Variants in MAPDA observed in about 807,000 individuals in gnomAD.
MAPDA encodes N6-Methyl-AMP deaminase.
the MAPDA span, among the ~76,000 whole-genome samples, chr15:43,343,360 G>A: frequency 2.0e-5 from 3 of 152,134 alleles, no homozygotes; most frequent in African/African-American, 7.2e-5. Flanking sequence ...ACATGATCTG[G>A]CTGCCTCTGT....
At chr15:43,341,107 T>C in the MAPDA span, among the ~76,000 whole-genome samples, 8 of 152,284 alleles carry the variant, frequency 5.3e-5, no homozygotes, top group African/African-American at 1.9e-4. Context: ...TCAGGAGACA[T>C]TGGGGCCCTC....
the MAPDA span, among the ~76,000 whole-genome samples, chr15:43,342,715 A>T: frequency 6.7e-6 from 1 of 148,586 alleles, no homozygotes; most frequent in Admixed American, 6.8e-5. Context: ...ATGCCACTGC[A>T]CTCCAGCCTG....
the MAPDA span, chr15:43,352,994 G>A: frequency 6.6e-6 from 1 of 151,420 alleles, no homozygotes; most frequent in African/African-American, 2.4e-5. Context: ...TCCCCAGGCT[G>A]GAGTGCAGTG....
chr15:43,330,561 G>T, the MAPDA span: 1 of 1,470,326 alleles, frequency 6.8e-7, no homozygotes, highest in Non-Finnish European at 9.0e-7. Context: ...ACACCTCACG[G>T]ACCTCGGTAG....
chr15:43,348,840 A>G, the MAPDA span: 10 of 1,526,512 alleles, frequency 6.6e-6, no homozygotes, highest in South Asian at 7.6e-5. Context: ...GTACCTAGCT[A>G]TAGAAAAAAA....
the MAPDA span, chr15:43,346,103 G>A: frequency 7.4e-7 from 1 of 1,348,408 alleles, no homozygotes; most frequent in Non-Finnish European, 1.0e-6. Flanking sequence ...TTCTGTGGAT[G>A]AAGGCCTGTT....
chr15:43,335,804 G>A, the MAPDA span: 1 of 1,613,398 alleles, frequency 6.2e-7, no homozygotes, highest in Admixed American at 1.7e-5. Context: ...GATTGACAAG[G>A]GAAAGAAAAG....
the MAPDA span, chr15:43,330,461 G>T: frequency 6.5e-7 from 1 of 1,527,256 alleles, no homozygotes. Context: ...TACCGCGCCT[G>T]CCCGACGCTC....
At chr15:43,345,987 T>C in the MAPDA span, 1 of 1,613,792 alleles carries the variant, frequency 6.2e-7, no homozygotes, top group Non-Finnish European at 8.5e-7. Flanking sequence ...TACTGTAAGT[T>C]ATTTTTCCTA....
the MAPDA span, among the ~76,000 whole-genome samples, chr15:43,335,521 G>A: frequency 6.6e-6 from 1 of 152,060 alleles, no homozygotes; most frequent in Non-Finnish European, 1.5e-5. Flanking sequence ...GTGACAGAGG[G>A]AGACTCCATC....
the MAPDA span, among the ~76,000 whole-genome samples, chr15:43,339,039 G>T: frequency 6.6e-6 from 1 of 152,068 alleles, no homozygotes; most frequent in Non-Finnish European, 1.5e-5. Flanking sequence ...CTGAGTGTGG[G>T]TCTGTTCTGT....
chr15:43,351,153 A>G, the MAPDA span: 1 of 1,067,622 alleles, frequency 9.4e-7, no homozygotes, highest in Non-Finnish European at 1.4e-6. Context: ...ATGCCCAAGT[A>G]GAGGAGTTAG....
At chr15:43,332,677 ACTAT>A in the MAPDA span, among the ~76,000 whole-genome samples, 3 of 152,312 alleles carry the variant, frequency 2.0e-5, no homozygotes, top group South Asian at 2.1e-4. Flanking sequence ...AAACAAAATA[ACTAT>A]CTAAGACACC....
the MAPDA span, chr15:43,343,061 G>T: frequency 6.3e-7 from 1 of 1,577,326 alleles, no homozygotes. Flanking sequence ...AAGAAAACTT[G>T]GACATTGATG....
At chr15:43,331,172 A>G in the MAPDA span, among the ~76,000 whole-genome samples, 18 of 152,194 alleles carry the variant, frequency 1.2e-4, no homozygotes, top group African/African-American at 3.9e-4. Context: ...TCCCAGCCCT[A>G]TGTTAGACTG....
the MAPDA span, chr15:43,335,630 A>C: frequency 2.0e-6 from 3 of 1,486,322 alleles, no homozygotes; most frequent in Non-Finnish European, 2.7e-6. Context: ...TACCAACATT[A>C]AGTACTTGGT....
At chr15:43,352,338 A>G in the MAPDA span, 1 of 160,260 alleles carries the variant, frequency 6.2e-6, no homozygotes, top group African/African-American at 2.4e-5. Flanking sequence ...AGCCTTCTAA[A>G]CAGCTTTATA....
chr15:43,341,823 G>A, the MAPDA span, among the ~76,000 whole-genome samples: 1 of 152,010 alleles, frequency 6.6e-6, no homozygotes, highest in Admixed American at 6.5e-5. Context: ...GTTATCTCTG[G>A]GTGGTGGGGT....
At chr15:43,349,759 G>C in the MAPDA span, among the ~76,000 whole-genome samples, 1 of 152,200 alleles carries the variant, frequency 6.6e-6, no homozygotes, top group African/African-American at 2.4e-5. Context: ...ATGCTTGTGT[G>C]AGTATGTTTT....
Sources: allele counts gnomAD v4.1 joint callset (sites outside exome capture counted in the v4.1 genomes callset), GRCh38; gene constraint gnomAD v4.1.1; transcripts MANE v1.5; gene names NCBI Gene and HGNC (gene_info 2026-07-23, HGNC 2026-07-21).